The following WDR37 variants were observed in gnomAD, a reference collection of about 807,000 sequenced individuals.
WDR37 encodes WD repeat domain 37.
Under a neutral mutation model 62.9 loss-of-function variants are expected in WDR37, and 19 were observed. The observed-to-expected ratio is 0.30, with a 90% CI of 0.21 to 0.44. The LOEUF (loss-of-function observed/expected upper bound fraction) is 0.44, where lower values mean the gene tolerates loss of function less well. Ranked by LOEUF, WDR37 falls within the 20% of genes least tolerant of loss-of-function variation. The pLI, the probability that WDR37 is intolerant of heterozygous loss-of-function variation, is 1.00. For missense variants in WDR37, 474 were observed against 657.6 expected (o/e 0.72, Z 3.05); for synonymous variants, 250 against 260.9 (o/e 0.96, Z 0.40).
At chr10:1,126,395 G>T (rs1472349813) in intron 13 of WDR37, among the ~76,000 whole-genome samples, 9 of 140,316 alleles carry the variant, frequency 6.4e-5, no homozygotes, top group South Asian at 2.3e-4. Flanking sequence ...GACAGAGCGA[G>T]ACTGTGTCTC....
chr10:1,107,485 G>A (rs1835061683), intron 11 of WDR37, among the ~76,000 whole-genome samples: 1 of 152,266 alleles, frequency 6.6e-6, no homozygotes, highest in African/African-American at 2.4e-5. Flanking sequence ...GAGTAGTACA[G>A]TGTACCCACA....
chr10:1,077,997 T>A lies in WDR37; in HGVS notation c.229T>A (p.Leu77Ile), dbSNP rs144312898. ...ATTTGAAAACCTTTATATCGAAAACTTAGAATGTGAGTATCTCCTATTTTA... is the reference window on the plus strand; with the variant it reads ...ATTTGAAAACCTTTATATCGAAAACATAGAATGTGAGTATCTCCTATTTTA... ...REFENLYIENLELRREIDTLN... is the reference protein window; with the variant it reads ...REFENLYIENIELRREIDTLN... Residue 77 changes from leucine (L) to isoleucine (I), a missense_variant, in exon 3 of 14, where the codon TTA (leucine) becomes ATA (isoleucine). Leu to Ile is a conservative substitution (Grantham distance 5). Transcript: ENST00000263150. 1.4e-3 allele frequency: 2,233 copies of A among 1,605,362 alleles called. 35 individuals are homozygous for A. The Admixed American group carries it at 0.023, about 17-fold the overall frequency.
chr10:1,058,752 A>G (rs558251930), intron 1 of WDR37, among the ~76,000 whole-genome samples: 16 of 152,212 alleles, frequency 1.1e-4, no homozygotes, highest in Non-Finnish European at 1.8e-4. Flanking sequence ...CTCTTCCTCG[A>G]TATTGCTCAG....
rs115443928 is a variant in WDR37 at position 1,125,937 on chromosome 10, C to T, written c.1353+913C>T. On this transcript the variant is annotated intron_variant, in intron 13 of 13. Coordinates refer to ENST00000263150, the MANE Select transcript of WDR37 (RefSeq NM_014023.4). The stretch of plus-strand genomic sequence containing the variant: ...GTTGCCTGGAAGGCGCAAAGAGAAT[C>T]GAGACTCCATGGCACCCGCACAGAT... Among the ~76,000 whole-genome samples the T allele has an allele frequency of 4.0e-3, 606 of 152,328 alleles. 1 individual carries two copies. Among genetic ancestry groups the T allele is most frequent in the African/African-American group, 8.3e-3 (344 of 41,570 alleles).
chr10:1,097,943 G>A (rs1355896092), intron 9 of WDR37, among the ~76,000 whole-genome samples: 2 of 152,218 alleles, frequency 1.3e-5, no homozygotes, highest in Admixed American at 6.5e-5. Flanking sequence ...GTCCCACCCA[G>A]TCCTGATTCA....
intron 5 of WDR37, among the ~76,000 whole-genome samples, chr10:1,081,122 A>G (rs1208961245): frequency 6.6e-6 from 1 of 152,198 alleles, no homozygotes; most frequent in African/African-American, 2.4e-5. Flanking sequence ...CTAAAGTTAC[A>G]TTTTAGTTCA....
chr10:1,057,310 T>TAGGGGCGCTGGAGGGCC (rs1833216773), intron 1 of WDR37, among the ~76,000 whole-genome samples: 1 of 4,046 alleles, frequency 2.5e-4, no homozygotes, highest in African/African-American at 7.8e-4. Context: ...CCAGGAAGAG[T>TAGGGGCGCTGGAGGGCC]CGGGGCGCTG....
intron 10 of WDR37, among the ~76,000 whole-genome samples, chr10:1,104,731 C>CT (rs773040483): frequency 1.3e-5 from 2 of 152,164 alleles, no homozygotes; most frequent in Non-Finnish European, 2.9e-5. Flanking sequence ...TTCTGCGAAT[C>CT]TATCTCTAAG....
At chr10:1,107,316 G>A (rs1478003466) in intron 11 of WDR37, among the ~76,000 whole-genome samples, 1 of 78 alleles carries the variant, frequency 0.013, no homozygotes, top group East Asian at 0.5. Flanking sequence ...CGGGGCAGAG[G>A]GGCCCGCATG....
chr10:1,062,921 G>A (rs929548893), intron 1 of WDR37, among the ~76,000 whole-genome samples: 5 of 151,990 alleles, frequency 3.3e-5, no homozygotes, highest in African/African-American at 7.2e-5. Context: ...CCTTGTCTCC[G>A]CTAAAAATAC....
intron 11 of WDR37, chr10:1,123,883 A>AT (rs1835661759): frequency 8.7e-6 from 2 of 229,718 alleles, no homozygotes. Flanking sequence ...GTTGGAATGG[A>AT]TTTTTTAAAT....
At chr10:1,093,147 C>CT (rs1351791946) in intron 7 of WDR37, among the ~76,000 whole-genome samples, 1 of 151,854 alleles carries the variant, frequency 6.6e-6, no homozygotes, top group Non-Finnish European at 1.5e-5. Flanking sequence ...ATTATGTTTT[C>CT]TTTTTTTTAA....
chr10:1,094,934 G>A (rs1044163557), intron 8 of WDR37, among the ~76,000 whole-genome samples: 9 of 151,856 alleles, frequency 5.9e-5, no homozygotes, highest in African/African-American at 2.2e-4. Flanking sequence ...GTTAGACTTG[G>A]AAACAGGAGG....
At chr10:1,083,970 G>A (rs973749243) in intron 5 of WDR37, among the ~76,000 whole-genome samples, 1 of 152,228 alleles carries the variant, frequency 6.6e-6, no homozygotes, top group African/African-American at 2.4e-5. Flanking sequence ...CATGTACAGC[G>A]ATCAGTGTCA....
intron 11 of WDR37, among the ~76,000 whole-genome samples, chr10:1,112,781 T>A (rs1306548572): frequency 6.6e-6 from 1 of 152,180 alleles, no homozygotes; most frequent in African/African-American, 2.4e-5. Context: ...ACTCTTCAAT[T>A]CTGTGAGGGC....
In WDR37 at chr10:1,079,961, C is replaced by G. The variant is rs747242849; in HGVS notation, c.236-50C>G. ...GCGAGTTTTGGAAGTGGTGAGTACA[C>G]TTAAACATAAAAACATACTTTAGAT... On this transcript the variant is annotated intron_variant, in intron 3 of 13. Coordinates refer to ENST00000263150, the MANE Select transcript of WDR37 (RefSeq NM_014023.4). 6.4e-6 allele frequency: 10 copies of G among 1,553,622 alleles called. No homozygotes were observed. In the Admixed American group the frequency reaches 1.7e-4, roughly 27 times the overall value.
intron 7 of WDR37, among the ~76,000 whole-genome samples, 166 bp from the exon 8 acceptor site, chr10:1,093,286 T>A (rs1264918984): frequency 2.6e-5 from 4 of 152,242 alleles, no homozygotes; most frequent in African/African-American, 9.6e-5. Context: ...TTATTGTGCC[T>A]GTGTTCTAAT....
At chr10:1,110,140 C>A (rs540018846) in intron 11 of WDR37, among the ~76,000 whole-genome samples, 1 of 152,310 alleles carries the variant, frequency 6.6e-6, no homozygotes, top group Non-Finnish European at 1.5e-5. Flanking sequence ...GAAAAGATCT[C>A]TCTTTGGCGC....
chr10:1,102,120 C>T (rs1480544625), intron 9 of WDR37, among the ~76,000 whole-genome samples: 1 of 147,948 alleles, frequency 6.8e-6, no homozygotes, highest in Non-Finnish European at 1.5e-5. Context: ...TCCCGTGCTG[C>T]TGTGCGTCCC....
Sources: allele counts gnomAD v4.1 joint callset (sites outside exome capture counted in the v4.1 genomes callset), GRCh38; gene constraint gnomAD v4.1.1; transcripts MANE v1.5; gene names NCBI Gene and HGNC (gene_info 2026-07-23, HGNC 2026-07-21).